The following SOX5 variants were observed in gnomAD, a reference collection of about 807,000 sequenced individuals.
The protein encoded by SOX5 is transcription factor SOX-5.
In SOX5, 9 loss-of-function variants were observed where a neutral mutation model predicts 92.0. The ratio of observed to expected loss-of-function variants is 0.10; its 90% CI spans 0.06 to 0.17. The LOEUF is 0.17. Among genes scored for constraint, SOX5 ranks in the 10% least tolerant of loss-of-function variants. The pLI, the probability that SOX5 is intolerant of heterozygous loss-of-function variation, is 1.00. For missense variants in SOX5, 642 were observed against 944.5 expected, an observed-to-expected ratio of 0.68 and a Z score of 4.20; for synonymous variants, 344 against 336.3, an observed-to-expected ratio of 1.02 and a Z score of -0.25.
intron 8 of SOX5, among the ~76,000 whole-genome samples, chr12:23,629,419 C>T (rs1376555433): frequency 6.6e-6 from 1 of 151,948 alleles, no homozygotes; most frequent in Non-Finnish European, 1.5e-5. Flanking sequence ...TTCCGGGCAC[C>T]CTTTTGTTAA....
intron 3 of SOX5, among the ~76,000 whole-genome samples, chr12:23,812,358 T>A (rs948432790): frequency 7.2e-5 from 11 of 152,166 alleles, no homozygotes; most frequent in Non-Finnish European, 1.3e-4. Flanking sequence ...TTATAGACAG[T>A]AAAAGTGTGA....
intron 4 of SOX5, among the ~76,000 whole-genome samples, chr12:24,177,085 T>C (rs905586590): frequency 6.6e-6 from 1 of 151,786 alleles, no homozygotes; most frequent in Admixed American, 6.6e-5. Context: ...AAATACATCT[T>C]AAACCAAGGT....
At position 24,415,318 on chromosome 12, in the gene SOX5, TAAG is replaced by T. The variant is rs561759806; in HGVS notation, c.-250-46682_-250-46680del. On this transcript the variant is annotated intron_variant, in intron 1 of 4. Coordinates refer to the SOX5 transcript ENST00000446891. The stretch of plus-strand genomic sequence containing the variant: ...GTTGTTAATAGGCCACATTTTTATA[TAAG>T]AAGACTTGTTCCTCTTTCCAGCCAT... Among the ~76,000 whole-genome samples the T allele has an allele frequency of 1.3e-3, 201 of 152,324 alleles. 1 individual carries two copies. Among genetic ancestry groups the T allele is most frequent in the African/African-American group, 4.5e-3 (186 of 41,584 alleles).
chr12:23,873,695 T>C (rs1281958159), intron 2 of SOX5, among the ~76,000 whole-genome samples: 1 of 152,222 alleles, frequency 6.6e-6, no homozygotes, highest in Non-Finnish European at 1.5e-5. Flanking sequence ...ATTTTTGCTT[T>C]AGATTAGAGC....
At chr12:23,737,240 C>T (rs576018807) in intron 5 of SOX5, among the ~76,000 whole-genome samples, 16 of 152,160 alleles carry the variant, frequency 1.1e-4, no homozygotes, top group South Asian at 1.0e-3. Flanking sequence ...GCTCCTGCTC[C>T]CTATAGTTGA....
At chr12:24,232,459 T>C (rs551776775) in intron 3 of SOX5, among the ~76,000 whole-genome samples, 1 of 152,322 alleles carries the variant, frequency 6.6e-6, no homozygotes, top group South Asian at 2.1e-4. Flanking sequence ...ACTTAATACT[T>C]TCAGGATTCA....
chr12:24,172,493 C>T (rs553572608), intron 4 of SOX5, among the ~76,000 whole-genome samples: 1 of 151,998 alleles, frequency 6.6e-6, no homozygotes, highest in Admixed American at 6.6e-5. Flanking sequence ...GAGCTGTGTT[C>T]GTGTCATTGC....
intron 4 of SOX5, among the ~76,000 whole-genome samples, chr12:24,037,304 A>G (rs977213898): frequency 6.6e-6 from 1 of 152,192 alleles, no homozygotes; most frequent in Non-Finnish European, 1.5e-5. Flanking sequence ...ATAGGTTGAT[A>G]TGTAGACAGA....
At chr12:24,191,284 C>T (rs1565623018) in intron 4 of SOX5, among the ~76,000 whole-genome samples, 2 of 152,328 alleles carry the variant, frequency 1.3e-5, no homozygotes, top group East Asian at 3.9e-4. Context: ...GTGTCAATAA[C>T]TTAATTTTAG....
At chr12:23,991,657 A>T (rs906610451) in intron 4 of SOX5, among the ~76,000 whole-genome samples, 47 of 152,122 alleles carry the variant, frequency 3.1e-4, no homozygotes, top group Non-Finnish European at 1.6e-4. Context: ...TAGTAATTTT[A>T]ACTACTTCAA....
In SOX5 at chr12:23,822,601, T is replaced by C. The variant is rs1283756326; in HGVS notation, c.481+23382A>G. On this transcript the variant is annotated intron_variant, in intron 3 of 14. Transcript: ENST00000451604. The stretch of plus-strand genomic sequence containing the variant: ...TGAGAAGAATGTATATTCTGTTGAT[T>C]TGGGGTGGAGAGTTCTGTAGCTGTC... Among the ~76,000 whole-genome samples, 6 of 152,310 alleles carry C rather than the reference T, an allele frequency of 3.9e-5. No homozygotes were observed. The East Asian group carries it at 1.2e-3, about 29-fold the overall frequency.
intron 1 of SOX5, among the ~76,000 whole-genome samples, chr12:23,897,648 G>A (rs776495693): frequency 6.6e-6 from 1 of 152,026 alleles, no homozygotes; most frequent in Non-Finnish European, 1.5e-5. Context: ...TCAAACATGA[G>A]GAAAACAGAT....
intron 3 of SOX5, among the ~76,000 whole-genome samples, chr12:23,776,318 T>G (rs1160150858): frequency 6.6e-6 from 1 of 152,202 alleles, no homozygotes; most frequent in African/African-American, 2.4e-5. Context: ...AATGTAGAAT[T>G]ATGACACAGT....
chr12:23,554,861 G>C (rs974685692), intron 11 of SOX5, among the ~76,000 whole-genome samples: 2 of 152,228 alleles, frequency 1.3e-5, no homozygotes, highest in African/African-American at 2.4e-5. Context: ...TAAATATAGA[G>C]AGTAACTGCA....
chr12:24,209,731 C>T (rs1447859916), intron 4 of SOX5, among the ~76,000 whole-genome samples: 1 of 152,032 alleles, frequency 6.6e-6, no homozygotes, highest in Non-Finnish European at 1.5e-5. Flanking sequence ...TAGAAATAAT[C>T]CTTCCGGCCG....
intron 1 of SOX5, among the ~76,000 whole-genome samples, chr12:24,373,106 G>C (rs1312853056): frequency 6.8e-6 from 1 of 146,856 alleles, no homozygotes; most frequent in Non-Finnish European, 1.5e-5. Context: ...TAACAAACCT[G>C]AGACCCAGTG....
chr12:24,401,289 T>C (rs1020646286), intron 1 of SOX5, among the ~76,000 whole-genome samples: 2 of 150,320 alleles, frequency 1.3e-5, no homozygotes, highest in African/African-American at 4.9e-5. Context: ...GAGGCAGAGG[T>C]TGCAGTGAGC....
intron 4 of SOX5, among the ~76,000 whole-genome samples, chr12:24,052,795 G>A (rs1426254781): frequency 6.6e-6 from 1 of 152,182 alleles, no homozygotes; most frequent in African/African-American, 2.4e-5. Flanking sequence ...AGGAAGTGCT[G>A]ATGTTTTAAT....
intron 3 of SOX5, chr12:24,237,702 T>C (rs1045390004): frequency 2.0e-5 from 3 of 152,222 alleles, no homozygotes; most frequent in African/African-American, 7.2e-5. Context: ...TTGTTTGCTA[T>C]TGATAATATA....
Sources: allele counts gnomAD v4.1 joint callset (sites outside exome capture counted in the v4.1 genomes callset), GRCh38; gene constraint gnomAD v4.1.1; transcripts MANE v1.5; gene names NCBI Gene and HGNC (gene_info 2026-07-23, HGNC 2026-07-21).